Variants in CUZD1 observed in about 807,000 individuals in gnomAD.
CUZD1 encodes the protein CUB and zona pellucida like domains 1.
A neutral mutation model predicts 53.1 loss-of-function variants in CUZD1; 42 were observed. The ratio of observed to expected loss-of-function variants is 0.79; its 90% confidence interval spans 0.62 to 1.02. The LOEUF (loss-of-function observed/expected upper bound fraction) is 1.02, where lower values mean the gene tolerates loss of function less well. Ranked by LOEUF, CUZD1 falls within the 50% of genes least tolerant of loss-of-function variation. The pLI, the probability that CUZD1 is intolerant of heterozygous loss-of-function variation, is 0.00. For synonymous variants in CUZD1, 238 were observed against 257.2 expected (o/e 0.93, Z 0.71); for missense variants, 670 against 715.7 (o/e 0.94, Z 0.73).
intron 8 of CUZD1, among the ~76,000 whole-genome samples, chr10:122,832,800 T>A (rs1040969248): frequency 2.0e-5 from 3 of 152,054 alleles, no homozygotes; most frequent in Non-Finnish European, 4.4e-5. Flanking sequence ...AAAAAAAAAA[T>A]TTGTTCATTC....
chr10:122,842,097 T>C (rs539061988), intron 1 of CUZD1, among the ~76,000 whole-genome samples: 1 of 152,182 alleles, frequency 6.6e-6, no homozygotes, highest in African/African-American at 2.4e-5. Context: ...ACAGTGTCTT[T>C]CCCAAAACAA....
Position 122,832,227 on chromosome 10 carries a change from T to C in CUZD1, c.*51A>G, listed in dbSNP as rs374469698. ...AATATGTGTAGCCACGAGGTAGCAT[T>C]TCCTTTGGCATCCTGGAGAAACATG... On this transcript the variant is annotated 3_prime_UTR_variant, in exon 9 of 9. Coordinates refer to ENST00000392790, the MANE Select transcript of CUZD1 (RefSeq NM_022034.6). 91 of 1,589,960 alleles carry C rather than the reference T, an allele frequency of 5.7e-5. No individual in the cohort carries two copies. Among genetic ancestry groups the C allele is most frequent in the Non-Finnish European group, 7.1e-5 (82 of 1,161,208 alleles).
chr10:122,836,851 T>C lies in CUZD1; in HGVS notation c.797A>G (p.Tyr266Cys), dbSNP rs757237874. The C allele has an allele frequency of 1.2e-6, 2 of 1,612,926 alleles. No homozygotes were observed. Among genetic ancestry groups the C allele is most frequent in the Non-Finnish European group, 1.7e-6 (2 of 1,179,010 alleles). Residue 266 changes from tyrosine (Y) to cysteine (C), a missense_variant, in exon 5 of 9, where the codon TAT (tyrosine) becomes TGT (cysteine). Tyr to Cys is a radical substitution (Grantham distance 194, BLOSUM62 -2). Coordinates refer to ENST00000392790, the MANE Select transcript of CUZD1 (RefSeq NM_022034.6). ...CTTACTAGTGTTGATGTTTTCTGCA[T>C]AAATTGAGGTGTAGGAAGCAGAAAA... ...RGFSASYTSI[Y>C]AENINTTSLT...
At chr10:122,837,624 C>A in intron 3 of CUZD1, 70 bp from the exon 4 acceptor site, 1 of 1,425,320 alleles carries the variant, frequency 7.0e-7, no homozygotes, top group African/African-American at 1.4e-5. Context: ...CTGTGTTGTG[C>A]ATTGAGCTTA....
chr10:122,841,421 T>C (rs1847345031), intron 1 of CUZD1, 93 bp from the exon 2 acceptor site: 1 of 1,262,946 alleles, frequency 7.9e-7, no homozygotes, highest in Non-Finnish European at 1.1e-6. Context: ...GTAATATACA[T>C]ACAAGTAGGC....
chr10:122,833,180 C>T (rs774934984), intron 8 of CUZD1, among the ~76,000 whole-genome samples: 3 of 152,098 alleles, frequency 2.0e-5, no homozygotes, highest in Non-Finnish European at 2.9e-5. Context: ...TTTCATGCAT[C>T]TGGGCAGATC....
intron 7 of CUZD1, 83 bp downstream of exon 7, chr10:122,834,623 A>AG (rs1489108073): frequency 6.6e-6 from 8 of 1,206,206 alleles, no homozygotes; most frequent in Non-Finnish European, 8.0e-6. Flanking sequence ...ATGTATATAT[A>AG]CACAACACAA....
At chr10:122,844,808 C>G (rs930890032) in intron 1 of CUZD1, among the ~76,000 whole-genome samples, 1 of 152,134 alleles carries the variant, frequency 6.6e-6, no homozygotes, top group East Asian at 1.9e-4. Flanking sequence ...AAGATTTTGA[C>G]TAATGGTCAA....
chr10:122,835,060 G>A lies in CUZD1; in HGVS notation c.1028C>T (p.Thr343Ile), dbSNP rs1216908194. The stretch of plus-strand genomic sequence containing the variant: ...TTCAGAAGTTGAGGATGCAGAAAAG[G>A]TGATTATATTGGTGTAAGTAATTGA... ...DQSITYTNII[T>I]FSASSTSEVI... The change falls in exon 7 of 9, where the codon ACC becomes ATC. Residue 343 changes from threonine to isoleucine, a missense_variant. Coordinates refer to ENST00000392790, the MANE Select transcript of CUZD1 (RefSeq NM_022034.6). 5 of 1,604,508 alleles carry A rather than the reference G, an allele frequency of 3.1e-6. No individual in the cohort carries two copies. The highest frequency in any genetic ancestry group is 1.7e-5 in the Admixed American group (1 of 58,970).
At chr10:122,834,479 T>A (rs956948709) in intron 7 of CUZD1, among the ~76,000 whole-genome samples, 1 of 152,218 alleles carries the variant, frequency 6.6e-6, no homozygotes, top group Non-Finnish European at 1.5e-5. Flanking sequence ...ATTTTGTGAA[T>A]ACACTTAAAA....
At position 122,837,001 on chromosome 10, in the gene CUZD1, T is replaced by C; in HGVS notation, c.647A>G (p.Asp216Gly). The change falls in exon 5 of 9, where the codon GAT becomes GGT. Residue 216 changes from aspartate (D) to glycine (G), a missense_variant. Transcript: ENST00000392790. ...CAGGCCAGAGTTGGTGGAGGGGCCA[T>C]CATAGATGGCAAGAAAATCAAATTT... is the stretch of plus-strand genomic sequence containing the variant. Reference protein sequence around the residue: ...QCKFDFLAIYDGPSTNSGLIG... With the variant: ...QCKFDFLAIYGGPSTNSGLIG... 1.2e-6 allele frequency: 2 copies of C among 1,613,848 alleles called. No individual in the cohort carries two copies. Among genetic ancestry groups the C allele is most frequent in the Non-Finnish European group, 1.7e-6 (2 of 1,179,804 alleles).
At chr10:122,845,021 C>T (rs1172678787) in intron 1 of CUZD1, among the ~76,000 whole-genome samples, 1 of 151,468 alleles carries the variant, frequency 6.6e-6, no homozygotes, top group African/African-American at 2.4e-5. Context: ...TGTACACAAA[C>T]TTCAGATCTC....
chr10:122,836,358 GAAA>G lies in CUZD1; in HGVS notation c.818-11_818-9del, dbSNP rs11365591. The G allele has an allele frequency of 0.017, 19,387 of 1,157,668 alleles. No homozygotes were observed. The highest frequency in any genetic ancestry group is 0.037 in the South Asian group (1,836 of 49,432). The allele number at this position is 1,157,668 out of a possible 1,614,324, so 71.7% of individuals were successfully genotyped here. ...AAGAGCAAGTTAAAGATGCTGTCAG[GAAA>G]AAAAAAAAAAAAAGAATGGTCATGT... On this transcript the variant is annotated splice_polypyrimidine_tract_variant and intron_variant, in intron 5 of 8. Transcript: ENST00000392790.
chr10:122,845,310 C>T (rs541318893), intron 1 of CUZD1, among the ~76,000 whole-genome samples: 16 of 152,184 alleles, frequency 1.1e-4, no homozygotes, highest in African/African-American at 3.9e-4. Context: ...CTCCTGACCT[C>T]GTGATCCACC....
chr10:122,837,307 A>G (rs1847268991), intron 4 of CUZD1, 97 bp downstream of exon 4: 2 of 1,288,902 alleles, frequency 1.6e-6, no homozygotes, highest in Admixed American at 3.7e-5. Flanking sequence ...GTGCCCATAT[A>G]TGAGAATTAC....
chr10:122,841,772 C>G (rs1219911025), intron 1 of CUZD1, among the ~76,000 whole-genome samples: 2 of 152,218 alleles, frequency 1.3e-5, no homozygotes, highest in African/African-American at 2.4e-5. Context: ...CTTGTCAACA[C>G]ACACTATTGT....
In CUZD1 at chr10:122,836,841, G is replaced by A; in HGVS notation, c.807C>T (p.Asn269=). ...TAAAACATGACTTACTAGTGTTGAT[G>A]TTTTCTGCATAAATTGAGGTGTAGG... ...SASYTSIYAE[N]INTTSLTCSS... Residue 269 remains asparagine, a synonymous_variant, in exon 5 of 9, where the codon AAC becomes AAT. Coordinates refer to ENST00000392790, the MANE Select transcript of CUZD1 (RefSeq NM_022034.6). 6.2e-7 allele frequency: 1 copy of A among 1,610,880 alleles called. No individual in the cohort carries two copies. Among genetic ancestry groups the A allele is most frequent in the Non-Finnish European group, 8.5e-7 (1 of 1,177,204 alleles).
chr10:122,836,067 A>T, intron 6 of CUZD1, 111 bp downstream of exon 6: 1 of 949,460 alleles, frequency 1.1e-6, no homozygotes, highest in Non-Finnish European at 1.6e-6. Flanking sequence ...TGGTTAAGCC[A>T]CTAAAATTTG....
Position 122,836,834 on chromosome 10 carries a change from T to G in CUZD1, c.814A>C (p.Thr272Pro), listed in dbSNP as rs1194076266. ...YTSIYAENIN[T>P]TSLTCSSDRM... ...AAGAATATAAAACATGACTTACTAG[T>G]GTTGATGTTTTCTGCATAAATTGAG... The change falls in exon 5 of 9, where the codon ACT (threonine) becomes CCT (proline). Residue 272 changes from threonine (T) to proline (P), a missense_variant. Coordinates refer to ENST00000392790, the MANE Select transcript of CUZD1 (RefSeq NM_022034.6). 1.1e-5 allele frequency: 17 copies of G among 1,606,122 alleles called. No homozygotes were observed. The highest frequency in any genetic ancestry group is 1.4e-5 in the Non-Finnish European group (17 of 1,172,992).
Sources: gnomAD v4.1 joint callset for allele counts (sites outside exome capture counted in the v4.1 genomes callset) on GRCh38, gnomAD v4.1.1 for gene constraint, MANE v1.5 for transcripts, NCBI Gene and HGNC (gene_info 2026-07-23, HGNC 2026-07-21) for gene names.